ARID2: variants seen among roughly 807,000 people sequenced by gnomAD.
ARID2 encodes AT-rich interaction domain 2, also known as AT-rich interactive domain-containing protein 2.
In ARID2, 32 loss-of-function variants were observed where a neutral mutation model predicts 184.6. That is an observed-to-expected ratio of 0.17 (90% CI 0.13 to 0.23). ARID2 has a LOEUF of 0.23. Ranked by LOEUF, ARID2 falls within the 10% of genes least tolerant of loss-of-function variation. The probability of loss-of-function intolerance (pLI) is 1.00; values close to 1 mark genes in which losing one functional copy is unlikely to be tolerated. For missense variants in ARID2, 1,696 were observed against 2,197.6 expected (o/e 0.77, Z 4.56); for synonymous variants, 836 against 772.6 (o/e 1.08, Z -1.36).
At chr12:45,785,562 A>T (rs1034625280) in intron 3 of ARID2, among the ~76,000 whole-genome samples, 6 of 152,180 alleles carry the variant, frequency 3.9e-5, no homozygotes, top group Non-Finnish European at 8.8e-5. Context: ...AACCTTACAC[A>T]AGTTACTACA....
At chr12:45,825,923 AT>A (rs912870583) in intron 6 of ARID2, among the ~76,000 whole-genome samples, 1 of 152,008 alleles carries the variant, frequency 6.6e-6, no homozygotes, top group South Asian at 2.1e-4. Context: ...GATTTATTGA[AT>A]TTTTTGTAGA....
At chr12:45,738,779 C>CTTTTGTTTTTTTTTT (rs1941181512) in intron 3 of ARID2, among the ~76,000 whole-genome samples, 1 of 62,304 alleles carries the variant, frequency 1.6e-5, no homozygotes, top group African/African-American at 8.5e-5. Context: ...ATATGGGCTA[C>CTTTTGTTTTTTTTTT]TTTTTTTTTT....
chr12:45,763,303 T>C (rs1259768660), intron 3 of ARID2, among the ~76,000 whole-genome samples: 1 of 152,078 alleles, frequency 6.6e-6, no homozygotes, highest in African/African-American at 2.4e-5. Context: ...ACCCCGTCTC[T>C]ACTAAAAATA....
At chr12:45,753,481 T>C (rs1264016333) in intron 3 of ARID2, among the ~76,000 whole-genome samples, 1 of 152,234 alleles carries the variant, frequency 6.6e-6, no homozygotes, top group Non-Finnish European at 1.5e-5. Flanking sequence ...GTGTACCTTA[T>C]AGAGTTGTTT....
At chr12:45,750,546 C>T (rs1325918787) in intron 3 of ARID2, among the ~76,000 whole-genome samples, 1 of 152,072 alleles carries the variant, frequency 6.6e-6, no homozygotes, top group Non-Finnish European at 1.5e-5. Context: ...ATCTGGAAAG[C>T]ACAATAAAAT....
intron 6 of ARID2, among the ~76,000 whole-genome samples, chr12:45,835,175 T>C (rs1245640367): frequency 6.6e-6 from 1 of 152,210 alleles, no homozygotes; most frequent in East Asian, 1.9e-4. Flanking sequence ...ATTTTAGTTA[T>C]GTTTTTCAGT....
chr12:45,852,741 A>G lies in ARID2; in HGVS notation c.4618A>G (p.Thr1540Ala), dbSNP rs1248618090. 1 of 1,614,198 alleles carries G rather than the reference A, an allele frequency of 6.2e-7. No homozygotes were observed. Among genetic ancestry groups the G allele is most frequent in the Non-Finnish European group, 8.5e-7 (1 of 1,180,014 alleles). The change falls in exon 15 of 21, where the codon ACA (threonine) becomes GCA (alanine). Residue 1540 changes from threonine (T) to alanine (A), a missense_variant. Coordinates refer to ENST00000334344, the MANE Select transcript of ARID2 (RefSeq NM_152641.4). Reference sequence around the variant, plus strand: ...AAATAAAGTAGGAGTTAGAATTGTTACAATCAGTGACCCCAACAATGCTGG... The same window carrying G: ...AAATAAAGTAGGAGTTAGAATTGTTGCAATCAGTGACCCCAACAATGCTGG... ...IPNKVGVRIV[T>A]ISDPNNAGCS...
intron 16 of ARID2, among the ~76,000 whole-genome samples, chr12:45,875,409 G>C (rs890644504): frequency 8.5e-5 from 13 of 152,204 alleles, no homozygotes; most frequent in Admixed American, 7.9e-4. Context: ...TAATTCTTAA[G>C]AGTCCTCAGA....
chr12:45,904,399 G>T (rs533398664), intron 20 of ARID2: 5 of 711,206 alleles, frequency 7.0e-6, no homozygotes, highest in Non-Finnish European at 7.8e-6. Flanking sequence ...ATTTAGAAAG[G>T]TACTATGGAG....
intron 3 of ARID2, among the ~76,000 whole-genome samples, chr12:45,788,988 C>A (rs1157702762): frequency 1.3e-5 from 2 of 152,128 alleles, no homozygotes; most frequent in Non-Finnish European, 2.9e-5. Flanking sequence ...TTAATTAATT[C>A]TTCTAACCTG....
At chr12:45,815,870 A>C (rs1324164081) in intron 4 of ARID2, among the ~76,000 whole-genome samples, 1 of 152,160 alleles carries the variant, frequency 6.6e-6, no homozygotes, top group Non-Finnish European at 1.5e-5. Context: ...TATATTGCAC[A>C]GGCTGGTCTT....
chr12:45,793,963 A>G (rs1227762853), intron 3 of ARID2, among the ~76,000 whole-genome samples: 1 of 151,854 alleles, frequency 6.6e-6, no homozygotes, highest in Non-Finnish European at 1.5e-5. Flanking sequence ...CTATGTTGTA[A>G]GCAGTTATGA....
chr12:45,754,229 G>T (rs1365012651), intron 3 of ARID2, among the ~76,000 whole-genome samples: 14 of 152,190 alleles, frequency 9.2e-5, no homozygotes, highest in Admixed American at 9.2e-4. Context: ...GCTGAGTGAT[G>T]CAGGTAAGTG....
intron 3 of ARID2, among the ~76,000 whole-genome samples, chr12:45,760,523 G>GT (rs1469702345): frequency 6.7e-6 from 1 of 150,194 alleles, no homozygotes; most frequent in South Asian, 2.1e-4. Flanking sequence ...TTTCTTTTGT[G>GT]TTTTTTGTGT....
intron 3 of ARID2, among the ~76,000 whole-genome samples, chr12:45,740,969 T>G (rs1016143125): frequency 6.6e-6 from 1 of 152,176 alleles, no homozygotes; most frequent in African/African-American, 2.4e-5. Context: ...AAAGTTACCA[T>G]TTTCTCTTTT....
chr12:45,849,912 T>C, intron 14 of ARID2, 124 bp from the exon 15 acceptor site: 2 of 1,423,230 alleles, frequency 1.4e-6, no homozygotes, highest in African/African-American at 1.5e-5. Context: ...TATTACCATA[T>C]TCATATGATT....
chr12:45,841,590 C>T (rs1943342968), intron 11 of ARID2: 1 of 152,132 alleles, frequency 6.6e-6, no homozygotes, highest in Non-Finnish European at 1.5e-5. Context: ...CTTTTATAAC[C>T]TTTTACCCAT....
chr12:45,817,922 T>G (rs779218036), intron 5 of ARID2, 34 bp downstream of exon 5: 2 of 1,528,912 alleles, frequency 1.3e-6, no homozygotes, highest in East Asian at 4.7e-5. Context: ...ATATAATTCT[T>G]CTGTAAAAGT....
At chr12:45,742,770 A>T (rs578242446) in intron 3 of ARID2, among the ~76,000 whole-genome samples, 5 of 152,154 alleles carry the variant, frequency 3.3e-5, no homozygotes, top group Admixed American at 1.3e-4. Context: ...CTTTATGCAA[A>T]CCTATTTTCA....
Sources: gnomAD v4.1 joint callset for allele counts (sites outside exome capture counted in the v4.1 genomes callset) on GRCh38, gnomAD v4.1.1 for gene constraint, MANE v1.5 for transcripts, NCBI Gene and HGNC (gene_info 2026-07-23, HGNC 2026-07-21) for gene names.